The following IGBP1C variants were observed in gnomAD, a reference collection of about 807,000 sequenced individuals.
The protein encoded by IGBP1C is immunoglobulin-binding protein 1 family member C.
chr17:58,686,078 TG>T, the IGBP1C span, among the ~76,000 whole-genome samples: 25,749 of 150,468 alleles, frequency 0.17, 2,326 homozygotes, highest in Non-Finnish European at 0.19. Context: ...AGGAGGATCA[TG>T]GTGGCTCGCA....
chr17:58,685,645 C>G, the IGBP1C span, among the ~76,000 whole-genome samples: 8 of 151,590 alleles, frequency 5.3e-5, no homozygotes, highest in South Asian at 1.3e-3. Context: ...AAACAGGGGC[C>G]AAAACATGCA....
chr17:58,681,989 T>C, the IGBP1C span, among the ~76,000 whole-genome samples: 1 of 152,216 alleles, frequency 6.6e-6, no homozygotes, highest in East Asian at 1.9e-4. Flanking sequence ...GATTTGTGAC[T>C]AGCAGTGCCT....
the IGBP1C span, among the ~76,000 whole-genome samples, chr17:58,669,733 C>CAAAA: frequency 6.9e-3 from 388 of 56,212 alleles, 16 homozygotes; most frequent in African/African-American, 9.2e-3. Context: ...GACTCCGTCT[C>CAAAA]AAAAAAAAAA....
At chr17:58,690,093 C>T in the IGBP1C span, among the ~76,000 whole-genome samples, 1 of 151,870 alleles carries the variant, frequency 6.6e-6, no homozygotes, top group South Asian at 2.1e-4. Context: ...TTGTGATCTG[C>T]AGAAGATATT....
At chr17:58,660,602 T>C in the IGBP1C span, 5 of 796,200 alleles carry the variant, frequency 6.3e-6, no homozygotes, top group Admixed American at 6.8e-5. Flanking sequence ...TCGGTTGCCG[T>C]AGCCCCTAGG....
chr17:58,665,173 A>G, the IGBP1C span, among the ~76,000 whole-genome samples: 1 of 152,014 alleles, frequency 6.6e-6, no homozygotes, highest in South Asian at 2.1e-4. Flanking sequence ...TTTTATATTT[A>G]TAGAGATAGG....
chr17:58,666,634 A>C, the IGBP1C span: 1 of 152,226 alleles, frequency 6.6e-6, no homozygotes, highest in Admixed American at 6.5e-5. Flanking sequence ...AAGTGCAACG[A>C]ATAAGCCACA....
At chr17:58,669,757 G>A in the IGBP1C span, among the ~76,000 whole-genome samples, 28 of 115,326 alleles carry the variant, frequency 2.4e-4, no homozygotes, top group Non-Finnish European at 4.1e-4. Flanking sequence ...AAAAAAAAAA[G>A]CCAGCAACAG....
chr17:58,666,241 G>T, the IGBP1C span, among the ~76,000 whole-genome samples: 1 of 151,544 alleles, frequency 6.6e-6, no homozygotes, highest in African/African-American at 2.4e-5. Flanking sequence ...CCAGTTTCTA[G>T]GGAAGCTGAG....
chr17:58,671,719 A>T, the IGBP1C span, among the ~76,000 whole-genome samples: 2 of 152,060 alleles, frequency 1.3e-5, no homozygotes, highest in Non-Finnish European at 2.9e-5. Context: ...TTTTTGCTAG[A>T]TCAGAAATAT....
the IGBP1C span, among the ~76,000 whole-genome samples, chr17:58,678,318 T>C: frequency 1.3e-5 from 2 of 152,158 alleles, no homozygotes; most frequent in Non-Finnish European, 2.9e-5. Context: ...AGCAATCCCA[T>C]TACTGGGTAT....
the IGBP1C span, among the ~76,000 whole-genome samples, chr17:58,685,968 C>T: frequency 1.0e-3 from 140 of 133,828 alleles, no homozygotes; most frequent in African/African-American, 3.9e-3. Flanking sequence ...GCACTCCAGC[C>T]TGGGCGACAG....
At chr17:58,673,558 T>G in the IGBP1C span, among the ~76,000 whole-genome samples, 3 of 151,798 alleles carry the variant, frequency 2.0e-5, no homozygotes, top group African/African-American at 7.3e-5. Flanking sequence ...TCCTTTATAT[T>G]TGTATTGTTT....
the IGBP1C span, chr17:58,661,689 C>T: frequency 1.8e-5 from 11 of 602,458 alleles, no homozygotes; most frequent in Non-Finnish European, 3.2e-5. Context: ...CAGTCTGAAT[C>T]GGGCGCTGCA....
At chr17:58,686,921 T>C in the IGBP1C span, among the ~76,000 whole-genome samples, 1 of 117,580 alleles carries the variant, frequency 8.5e-6, no homozygotes, top group African/African-American at 3.3e-5. Context: ...TCACCCACCC[T>C]AGAGCGCAGG....
the IGBP1C span, among the ~76,000 whole-genome samples, chr17:58,674,287 A>G: frequency 2.0e-5 from 3 of 151,282 alleles, no homozygotes; most frequent in Admixed American, 6.6e-5. Flanking sequence ...AAAAAAAAAA[A>G]GGAAACCCTT....
At chr17:58,690,995 C>T in the IGBP1C span, among the ~76,000 whole-genome samples, 4 of 151,994 alleles carry the variant, frequency 2.6e-5, no homozygotes, top group African/African-American at 9.7e-5. Context: ...CTGGGACGAC[C>T]GGTGCATGCC....
chr17:58,664,264 G>A, the IGBP1C span, among the ~76,000 whole-genome samples: 1 of 152,118 alleles, frequency 6.6e-6, no homozygotes, highest in African/African-American at 2.4e-5. Context: ...ATCCATGAAT[G>A]CCAGGCTGAC....
the IGBP1C span, among the ~76,000 whole-genome samples, chr17:58,664,395 C>T: frequency 6.6e-6 from 1 of 152,144 alleles, no homozygotes; most frequent in South Asian, 2.1e-4. Flanking sequence ...TTGTCTACTC[C>T]AGTATTTTTG....
Sources: gnomAD v4.1 joint callset for allele counts (sites outside exome capture counted in the v4.1 genomes callset) on GRCh38, gnomAD v4.1.1 for gene constraint, MANE v1.5 for transcripts, NCBI Gene and HGNC (gene_info 2026-07-23, HGNC 2026-07-21) for gene names.